Variants in GRIN3A observed in about 807,000 individuals in gnomAD.
GRIN3A encodes the protein glutamate receptor ionotropic, NMDA 3A.
A neutral mutation model predicts 92.4 loss-of-function variants in GRIN3A; 47 were observed. The observed-to-expected ratio is 0.51, with a 90% CI of 0.40 to 0.65. The LOEUF is 0.65. GRIN3A is among the 30% of genes least tolerant of loss of function. The pLI, the probability that GRIN3A is intolerant of heterozygous loss-of-function variation, is 0.00. For missense variants in GRIN3A, 1,324 were observed against 1,393.1 expected, an observed-to-expected ratio of 0.95 and a Z score of 0.79; for synonymous variants, 527 against 540.6, an observed-to-expected ratio of 0.97 and a Z score of 0.35.
At chr9:101,620,467 A>G (rs1281047124) in intron 5 of GRIN3A, among the ~76,000 whole-genome samples, 2 of 152,204 alleles carry the variant, frequency 1.3e-5, no homozygotes, top group South Asian at 2.1e-4. Context: ...AGTGTCACAC[A>G]TAGAGTACTG....
In GRIN3A at chr9:101,577,811, C is replaced by G. The variant is rs866677056; in HGVS notation, c.2965G>C (p.Glu989Gln). ...GTCTTGAAATGCTGCTGCTTTTCCT[C>G]TATAAATGATGTATTTATTGCTCTG... is the stretch of plus-strand genomic sequence containing the variant. ...LHRAINTSFI[E>Q]EKQQHFKTKR... is the part of the protein sequence containing the mutation. Residue 989 changes from glutamate to glutamine, a missense_variant, in exon 8 of 9, where the codon GAG becomes CAG. By Grantham distance (29) the Glu-to-Gln change is conservative (BLOSUM62 2). Coordinates refer to ENST00000361820, the MANE Select transcript of GRIN3A (RefSeq NM_133445.3). 2 of 1,612,890 alleles carry G rather than the reference C, an allele frequency of 1.2e-6. No homozygotes were observed. Among genetic ancestry groups the G allele is most frequent in the Non-Finnish European group, 1.7e-6 (2 of 1,179,502 alleles).
intron 6 of GRIN3A, among the ~76,000 whole-genome samples, chr9:101,586,287 A>G (rs1312594253): frequency 6.6e-6 from 1 of 152,206 alleles, no homozygotes; most frequent in East Asian, 1.9e-4. Flanking sequence ...AAGCTACAGG[A>G]GGGCAGCACT....
chr9:101,717,990 G>T (rs967235322), intron 1 of GRIN3A, among the ~76,000 whole-genome samples: 1 of 152,144 alleles, frequency 6.6e-6, no homozygotes, highest in Non-Finnish European at 1.5e-5. Flanking sequence ...CAGGAGTTCT[G>T]TCCACCGCAG....
intron 6 of GRIN3A, among the ~76,000 whole-genome samples, chr9:101,599,847 G>A (rs1300096398): frequency 6.6e-6 from 1 of 152,114 alleles, no homozygotes; most frequent in African/African-American, 2.4e-5. Flanking sequence ...CTTGACATTT[G>A]GTTGGAAGCT....
At chr9:101,681,425 C>T (rs954343793) in intron 2 of GRIN3A, among the ~76,000 whole-genome samples, 3 of 152,186 alleles carry the variant, frequency 2.0e-5, no homozygotes, top group Non-Finnish European at 2.9e-5. Context: ...CTTAGCTTGG[C>T]ATACAAACTC....
intron 1 of GRIN3A, among the ~76,000 whole-genome samples, chr9:101,695,182 G>T (rs62576330): frequency 6.6e-6 from 1 of 152,182 alleles, no homozygotes; most frequent in South Asian, 2.1e-4. Flanking sequence ...AGATTAGGAA[G>T]TTTACACTAA....
chr9:101,667,584 C>T (rs111230375), intron 3 of GRIN3A, among the ~76,000 whole-genome samples: 22 of 152,100 alleles, frequency 1.4e-4, no homozygotes, highest in African/African-American at 5.3e-4. Flanking sequence ...CTCTGAATTG[C>T]TCTACCTTAT....
chr9:101,730,465 A>G (rs1039993249), intron 1 of GRIN3A, among the ~76,000 whole-genome samples: 5 of 152,164 alleles, frequency 3.3e-5, no homozygotes, highest in Non-Finnish European at 5.9e-5. Context: ...CCATAAACTT[A>G]TAAGATAATC....
chr9:101,607,679 G>A (rs952396743), intron 6 of GRIN3A, among the ~76,000 whole-genome samples: 1 of 152,196 alleles, frequency 6.6e-6, no homozygotes, highest in Non-Finnish European at 1.5e-5. Context: ...GTAAGTTGGT[G>A]GTTGAAGTAG....
chr9:101,628,376 C>A lies in GRIN3A; in HGVS notation c.2378G>T (p.Arg793Leu), dbSNP rs557151255. ...PKLHHPSQGF[R>L]FGTVRESSAE... Reference sequence around the variant, plus strand: ...ACTGCTTTCTCGGACAGTTCCAAAGCGGAATCCTTGGGAAGGATGATGTAA... The same window carrying A: ...ACTGCTTTCTCGGACAGTTCCAAAGAGGAATCCTTGGGAAGGATGATGTAA... Residue 793 changes from arginine to leucine, a missense_variant, in exon 4 of 9, where the codon CGC becomes CTC. Physicochemically the swap from Arg to Leu is moderately radical, Grantham distance 102. Transcript: ENST00000361820. 1 of 1,613,702 alleles carries A rather than the reference C, an allele frequency of 6.2e-7. No homozygotes were observed. Among genetic ancestry groups the A allele is most frequent in the Non-Finnish European group, 8.5e-7 (1 of 1,179,792 alleles).
At chr9:101,616,435 A>G (rs929345726) in intron 5 of GRIN3A, among the ~76,000 whole-genome samples, 3 of 152,186 alleles carry the variant, frequency 2.0e-5, no homozygotes, top group Non-Finnish European at 2.9e-5. Context: ...GGCATAAAAC[A>G]GGCACTCAAA....
At chr9:101,677,877 C>G (rs1829419904) in intron 2 of GRIN3A, among the ~76,000 whole-genome samples, 1 of 152,138 alleles carries the variant, frequency 6.6e-6, no homozygotes, top group Non-Finnish European at 1.5e-5. Flanking sequence ...TCTCCTCTTA[C>G]TATCCTAAAG....
At chr9:101,734,364 G>A (rs896776544) in intron 1 of GRIN3A, among the ~76,000 whole-genome samples, 1 of 152,188 alleles carries the variant, frequency 6.6e-6, no homozygotes, top group Non-Finnish European at 1.5e-5. Flanking sequence ...GGGTTTGAGT[G>A]TTGTAGTGAA....
rs539613856 is a variant in GRIN3A, at chr9:101,632,243, C to G, written c.2353-3842G>C. ...TCCTGAGGAAAACCTTCACTGACCC[C>G]TAGACCTGTAACACCCTCCCATTAT... On this transcript the variant is annotated intron_variant, in intron 3 of 8. Coordinates refer to ENST00000361820, the MANE Select transcript of GRIN3A (RefSeq NM_133445.3). Among the ~76,000 whole-genome samples, 17 of 152,272 alleles carry G rather than the reference C, an allele frequency of 1.1e-4. No homozygotes were observed. In the South Asian group the frequency reaches 3.3e-3, roughly 30 times the overall value.
intron 6 of GRIN3A, among the ~76,000 whole-genome samples, chr9:101,581,436 G>C (rs1827885488): frequency 1.3e-5 from 2 of 152,148 alleles, no homozygotes; most frequent in Admixed American, 1.3e-4. Context: ...AAACTCCAAG[G>C]GTTGGTATTA....
chr9:101,628,184 A>G (rs539157605), intron 4 of GRIN3A, 72 bp downstream of exon 4: 16 of 1,482,994 alleles, frequency 1.1e-5, no homozygotes, highest in Non-Finnish European at 1.5e-5. Context: ...AAACTAACAT[A>G]TACTGCGTCA....
At chr9:101,709,746 A>G (rs1019888296) in intron 1 of GRIN3A, among the ~76,000 whole-genome samples, 7 of 152,226 alleles carry the variant, frequency 4.6e-5, no homozygotes, top group Non-Finnish European at 7.3e-5. Flanking sequence ...TAAAATGCAT[A>G]TCAAGGTGAG....
At chr9:101,579,398 T>C (rs772390144) in intron 6 of GRIN3A, 38 bp from the exon 7 acceptor site, 3 of 1,605,276 alleles carry the variant, frequency 1.9e-6, no homozygotes, top group Non-Finnish European at 2.6e-6. Flanking sequence ...ATGAATACAA[T>C]GATATACCTG....
intron 2 of GRIN3A, among the ~76,000 whole-genome samples, chr9:101,678,700 G>A (rs1219273096): frequency 6.6e-6 from 1 of 152,128 alleles, no homozygotes; most frequent in Non-Finnish European, 1.5e-5. Flanking sequence ...AATCTATGTG[G>A]TGGGGTCATA....
Sources: allele counts gnomAD v4.1 joint callset (sites outside exome capture counted in the v4.1 genomes callset), GRCh38; gene constraint gnomAD v4.1.1; transcripts MANE v1.5; gene names NCBI Gene and HGNC (gene_info 2026-07-23, HGNC 2026-07-21).